TEX48: variants seen among roughly 807,000 people sequenced by gnomAD.
The protein encoded by TEX48 is testis expressed 48.
A neutral mutation model predicts 13.2 loss-of-function variants in TEX48; 10 were observed. The observed-to-expected ratio is 0.75, with a 90% CI of 0.47 to 1.28. The LOEUF is 1.28. TEX48 is among the 50% of genes most tolerant of loss of function. The pLI is 0.00. For synonymous variants in TEX48, 45 were observed against 52.3 expected (o/e 0.86, Z 0.60); for missense variants, 116 against 139.4 (o/e 0.83, Z 0.84).
intron 2 of TEX48, 75 bp from the exon 3 acceptor site, chr9:114,671,580 G>A: frequency 6.5e-7 from 1 of 1,529,330 alleles, no homozygotes; most frequent in South Asian, 1.2e-5. Context: ...ATTGACTGTG[G>A]TGGGGGTATC....
At chr9:114,680,624 G>A (rs1828177571) in intron 1 of TEX48, among the ~76,000 whole-genome samples, 1 of 152,194 alleles carries the variant, frequency 6.6e-6, no homozygotes. Context: ...AAAAGCCAAT[G>A]ACAGTGGTGA....
intron 1 of TEX48, among the ~76,000 whole-genome samples, chr9:114,680,406 C>T (rs554245365): frequency 6.6e-6 from 1 of 152,222 alleles, no homozygotes; most frequent in Admixed American, 6.5e-5. Flanking sequence ...GGATTACAGG[C>T]GTGAGCCACT....
intron 2 of TEX48, 79 bp from the exon 3 acceptor site, chr9:114,671,584 G>T: frequency 6.6e-7 from 1 of 1,525,240 alleles, no homozygotes; most frequent in South Asian, 1.2e-5. Context: ...ACTGTGGTGG[G>T]GGTATCATTG....
chr9:114,671,032 T>C (rs1426659609), intron 3 of TEX48, among the ~76,000 whole-genome samples: 1 of 152,204 alleles, frequency 6.6e-6, no homozygotes, highest in Admixed American at 6.5e-5. Flanking sequence ...ATTTTTATAG[T>C]CTTTAATCCA....
intron 1 of TEX48, among the ~76,000 whole-genome samples, chr9:114,672,097 G>C (rs1472999293): frequency 6.6e-6 from 1 of 152,164 alleles, no homozygotes; most frequent in Non-Finnish European, 1.5e-5. Flanking sequence ...ATGAAAAGTA[G>C]CTCCTGTGAA....
chr9:114,676,707 C>T (rs1168521734), intron 1 of TEX48, among the ~76,000 whole-genome samples: 2 of 151,426 alleles, frequency 1.3e-5, no homozygotes, highest in African/African-American at 2.4e-5. Flanking sequence ...TGCTCCGCCT[C>T]CCGGGTTCAC....
chr9:114,680,121 C>CTTTTTTTTTTTTTTTT (rs1222465975), intron 1 of TEX48, among the ~76,000 whole-genome samples: 8 of 44,588 alleles, frequency 1.8e-4, no homozygotes, highest in African/African-American at 2.0e-4. Flanking sequence ...GTCATTGTCC[C>CTTTTTTTTTTTTTTTT]TTTTTTTTTT....
Position 114,668,923 on chromosome 9 carries a change from A to G in TEX48, c.128-586T>C, listed in dbSNP as rs1418549852. 2.0e-5 allele frequency among the ~76,000 whole-genome samples: 3 copies of G among 151,926 alleles called. No homozygotes were observed. In the East Asian group the frequency reaches 5.8e-4, roughly 29 times the overall value. ...GTGATCATAGCTCCCTGTAACCTCA[A>G]ACTCCTAGGCTCAAGCAATCCTCCT... On this transcript the variant is annotated intron_variant, in intron 3 of 4. Coordinates refer to ENST00000436752, the MANE Select transcript of TEX48 (RefSeq NM_001199233.2).
At chr9:114,681,589 G>A (rs931184606) in intron 1 of TEX48, among the ~76,000 whole-genome samples, 4 of 152,170 alleles carry the variant, frequency 2.6e-5, no homozygotes, top group Admixed American at 6.5e-5. Context: ...CTGGTGTGTC[G>A]TAAAGGCTTA....
Position 114,666,581 on chromosome 9 carries a change from T to C in TEX48, c.*62A>G, listed in dbSNP as rs1008856181. On this transcript the variant is annotated 3_prime_UTR_variant, in exon 5 of 5. Coordinates refer to ENST00000436752, the MANE Select transcript of TEX48 (RefSeq NM_001199233.2). ...TTTCCGAATTAGTCTTCATGACTCCTGTCCACCGCCCTCTTCCTCATGGAG... is the reference window on the plus strand; with the variant it reads ...TTTCCGAATTAGTCTTCATGACTCCCGTCCACCGCCCTCTTCCTCATGGAG... The C allele has an allele frequency of 6.4e-6, 6 of 940,382 alleles. No individual in the cohort carries two copies. The highest frequency in any genetic ancestry group is 5.1e-5 in the African/African-American group (3 of 58,998). The allele number at this position is 940,382 out of a possible 1,614,324, so 58.3% of individuals were successfully genotyped here.
chr9:114,668,769 C>T (rs190943023), intron 3 of TEX48, among the ~76,000 whole-genome samples: 22 of 152,272 alleles, frequency 1.4e-4, no homozygotes, highest in Admixed American at 5.2e-4. Context: ...TATCACAGTT[C>T]CAGTCTTTTC....
chr9:114,673,108 G>A (rs760428736), intron 1 of TEX48, among the ~76,000 whole-genome samples: 2 of 152,096 alleles, frequency 1.3e-5, no homozygotes, highest in Non-Finnish European at 2.9e-5. Context: ...TGGCAATAGT[G>A]GCTGAAAAGT....
chr9:114,680,115 T>C (rs1026259012), intron 1 of TEX48, among the ~76,000 whole-genome samples: 5 of 141,516 alleles, frequency 3.5e-5, no homozygotes, highest in Non-Finnish European at 7.6e-5. Flanking sequence ...TTAATTGTCA[T>C]TGTCCCTTTT....
At chr9:114,678,411 AGT>A (rs1367147547) in intron 1 of TEX48, among the ~76,000 whole-genome samples, 1 of 152,236 alleles carries the variant, frequency 6.6e-6, no homozygotes, top group Non-Finnish European at 1.5e-5. Flanking sequence ...TTAAACTCTG[AGT>A]AAGAGTTGAG....
chr9:114,670,114 T>G (rs933602711), intron 3 of TEX48, among the ~76,000 whole-genome samples: 2 of 152,200 alleles, frequency 1.3e-5, no homozygotes, highest in Non-Finnish European at 2.9e-5. Context: ...AATGTCTGCT[T>G]CTTAGAGTTA....
chr9:114,669,403 T>C (rs183408139), intron 3 of TEX48, among the ~76,000 whole-genome samples: 1 of 152,004 alleles, frequency 6.6e-6, no homozygotes, highest in African/African-American at 2.4e-5. Context: ...CTCAGCCTCC[T>C]TAGTAGCTGA....
chr9:114,674,556 T>C (rs1828015569), intron 1 of TEX48, among the ~76,000 whole-genome samples: 1 of 151,662 alleles, frequency 6.6e-6, no homozygotes, highest in Non-Finnish European at 1.5e-5. Context: ...TTCTCTCTTT[T>C]TCTTCTTTTT....
intron 1 of TEX48, among the ~76,000 whole-genome samples, chr9:114,679,542 A>G (rs184070073): frequency 6.6e-6 from 1 of 152,304 alleles, no homozygotes; most frequent in East Asian, 1.9e-4. Context: ...AATATAAATG[A>G]ACAGCTATAC....
intron 4 of TEX48, among the ~76,000 whole-genome samples, chr9:114,667,222 T>A (rs1827857223): frequency 6.6e-6 from 1 of 152,210 alleles, no homozygotes; most frequent in African/African-American, 2.4e-5. Context: ...AATGCTGTTT[T>A]CAAGGGGGTT....
Sources: gnomAD v4.1 joint callset for allele counts (sites outside exome capture counted in the v4.1 genomes callset) on GRCh38, gnomAD v4.1.1 for gene constraint, MANE v1.5 for transcripts, NCBI Gene and HGNC (gene_info 2026-07-23, HGNC 2026-07-21) for gene names.